Variants in MGAT4C observed in about 807,000 individuals in gnomAD.
The protein encoded by MGAT4C is alpha-1,3-mannosyl-glycoprotein 4-beta-N-acetylglucosaminyltransferase C.
A neutral mutation model predicts 40.1 loss-of-function variants in MGAT4C; 19 were observed. That is an observed-to-expected ratio of 0.47 (90% confidence interval 0.33 to 0.70). The LOEUF (loss-of-function observed/expected upper bound fraction) is 0.70. Ranked by LOEUF, MGAT4C falls within the 30% of genes least tolerant of loss-of-function variation. The pLI is 0.02. For missense variants in MGAT4C, 491 were observed against 563.2 expected (o/e 0.87, Z 1.30); for synonymous variants, 181 against 187.1 (o/e 0.97, Z 0.27).
intron 2 of MGAT4C, among the ~76,000 whole-genome samples, chr12:86,024,811 T>C (rs1890103749): frequency 6.6e-6 from 1 of 151,854 alleles, no homozygotes; most frequent in African/African-American, 2.4e-5. Flanking sequence ...GGGACATTTA[T>C]AGTAATGGTA....
intron 2 of MGAT4C, among the ~76,000 whole-genome samples, chr12:86,449,927 GC>G (rs1722863863): frequency 6.6e-6 from 1 of 152,120 alleles, no homozygotes; most frequent in African/African-American, 2.4e-5. Flanking sequence ...GTAATGAAAT[GC>G]TTTTGAACTA....
At chr12:86,824,295 G>A (rs1248997419) in intron 1 of MGAT4C, among the ~76,000 whole-genome samples, 1 of 151,344 alleles carries the variant, frequency 6.6e-6, no homozygotes, top group African/African-American at 2.4e-5. Context: ...GCTGTAAAGT[G>A]ATTTTTAAAG....
chr12:86,053,544 C>T (rs1452102414), intron 1 of MGAT4C, among the ~76,000 whole-genome samples: 2 of 151,772 alleles, frequency 1.3e-5, no homozygotes, highest in East Asian at 3.9e-4. Context: ...GAGATTAAGA[C>T]CCCAAAAGCA....
intron 2 of MGAT4C, among the ~76,000 whole-genome samples, chr12:86,648,424 G>A (rs1377628441): frequency 6.6e-6 from 1 of 151,864 alleles, no homozygotes; most frequent in Non-Finnish European, 1.5e-5. Flanking sequence ...GGGGCCTTTG[G>A]GAGGTTATTA....
intron 3 of MGAT4C, among the ~76,000 whole-genome samples, chr12:86,384,579 A>G (rs1956017326): frequency 6.6e-6 from 1 of 152,244 alleles, no homozygotes; most frequent in Non-Finnish European, 1.5e-5. Context: ...CAGCAAGAAA[A>G]ACATCTAAAT....
At chr12:86,136,749 C>T (rs924896747) in intron 1 of MGAT4C, among the ~76,000 whole-genome samples, 7 of 152,060 alleles carry the variant, frequency 4.6e-5, no homozygotes, top group Non-Finnish European at 7.4e-5. Context: ...CATGCAATAG[C>T]GTGATCTCAG....
At chr12:86,816,603 T>A (rs1377598445) in intron 1 of MGAT4C, among the ~76,000 whole-genome samples, 1 of 151,692 alleles carries the variant, frequency 6.6e-6, no homozygotes, top group Non-Finnish European at 1.5e-5. Context: ...TTAAAAAAAA[T>A]TAGATAAGAT....
intron 1 of MGAT4C, among the ~76,000 whole-genome samples, chr12:86,151,902 G>T (rs766692454): frequency 3.9e-5 from 6 of 152,310 alleles, no homozygotes; most frequent in Non-Finnish European, 8.8e-5. Context: ...TCAAATTCCT[G>T]TATGACAATT....
chr12:86,625,497 C>G (rs1229260304), intron 2 of MGAT4C, among the ~76,000 whole-genome samples: 1 of 151,958 alleles, frequency 6.6e-6, no homozygotes, highest in Non-Finnish European at 1.5e-5. Context: ...TAGAGGGGAT[C>G]AACAATAGCT....
At chr12:86,549,074 A>G (rs1479741534) in intron 2 of MGAT4C, among the ~76,000 whole-genome samples, 1 of 152,162 alleles carries the variant, frequency 6.6e-6, no homozygotes, top group Non-Finnish European at 1.5e-5. Flanking sequence ...GAAAATCCTT[A>G]AAACCAGATA....
chr12:86,305,428 A>C (rs1456613406), intron 4 of MGAT4C, among the ~76,000 whole-genome samples: 1 of 136,156 alleles, frequency 7.3e-6, no homozygotes, highest in African/African-American at 2.9e-5. Flanking sequence ...AACAAGAGCA[A>C]AACTCCGTCT....
At chr12:86,471,010 A>G (rs1283628871) in intron 2 of MGAT4C, among the ~76,000 whole-genome samples, 1 of 152,086 alleles carries the variant, frequency 6.6e-6, no homozygotes, top group African/African-American at 2.4e-5. Context: ...CCAGAATTCT[A>G]TATCTAGCAA....
At chr12:86,535,810 A>G (rs1008657822) in intron 2 of MGAT4C, among the ~76,000 whole-genome samples, 1 of 151,672 alleles carries the variant, frequency 6.6e-6, no homozygotes, top group Non-Finnish European at 1.5e-5. Context: ...CCTATCCTGG[A>G]GAACAGTTAG....
chr12:86,381,779 G>A (rs1452142982), intron 3 of MGAT4C, among the ~76,000 whole-genome samples: 1 of 152,188 alleles, frequency 6.6e-6, no homozygotes, highest in African/African-American at 2.4e-5. Flanking sequence ...TGTTGTGGGA[G>A]GGACCTGGTG....
chr12:86,639,800 G>A (rs1963327044), intron 2 of MGAT4C, among the ~76,000 whole-genome samples: 1 of 151,522 alleles, frequency 6.6e-6, no homozygotes, highest in East Asian at 1.9e-4. Context: ...CTTTAGTTTT[G>A]ATTGGAATCA....
intron 2 of MGAT4C, among the ~76,000 whole-genome samples, chr12:86,658,355 A>C (rs1963898592): frequency 6.6e-6 from 1 of 152,100 alleles, no homozygotes; most frequent in Non-Finnish European, 1.5e-5. Flanking sequence ...TACTTTGTTT[A>C]AAACACAAAA....
At chr12:86,066,990 A>G (rs1030993888) in intron 1 of MGAT4C, among the ~76,000 whole-genome samples, 1 of 152,226 alleles carries the variant, frequency 6.6e-6, no homozygotes, top group Non-Finnish European at 1.5e-5. Flanking sequence ...GAAAAATGCA[A>G]ATCAAAACCA....
At chr12:86,706,361 T>C (rs1950458342) in intron 2 of MGAT4C, among the ~76,000 whole-genome samples, 1 of 152,194 alleles carries the variant, frequency 6.6e-6, no homozygotes, top group South Asian at 2.1e-4. Flanking sequence ...TTAATTGGAA[T>C]GTTCAACAAA....
chr12:86,123,588 T>G (rs1242692558), intron 1 of MGAT4C, among the ~76,000 whole-genome samples: 3 of 152,138 alleles, frequency 2.0e-5, no homozygotes, highest in African/African-American at 7.2e-5. Flanking sequence ...ACTGAGTGCT[T>G]GGTATGTACT....
Sources: gnomAD v4.1 joint callset for allele counts (sites outside exome capture counted in the v4.1 genomes callset) on GRCh38, gnomAD v4.1.1 for gene constraint, MANE v1.5 for transcripts, NCBI Gene and HGNC (gene_info 2026-07-23, HGNC 2026-07-21) for gene names.